SEMA5B: variants seen among roughly 807,000 people sequenced by gnomAD.
SEMA5B encodes semaphorin 5B.
In SEMA5B, 66 loss-of-function variants were observed where a neutral mutation model predicts 135.0. The observed-to-expected ratio is 0.49, with a 90% CI of 0.40 to 0.60. The LOEUF (loss-of-function observed/expected upper bound fraction) is 0.60. SEMA5B is among the 20% of genes least tolerant of loss of function. SEMA5B has a pLI of 0.00. For missense variants in SEMA5B, 1,501 were observed against 1,566.3 expected (o/e 0.96, Z 0.70); for synonymous variants, 690 against 639.5 (o/e 1.08, Z -1.19).
intron 1 of SEMA5B, among the ~76,000 whole-genome samples, chr3:123,012,333 A>C (rs764437444): frequency 6.6e-6 from 1 of 152,078 alleles, no homozygotes; most frequent in African/African-American, 2.4e-5. Flanking sequence ...CTTCTCCCCC[A>C]TGTTCTCCCA....
rs772441089 is a variant in SEMA5B, at chr3:122,912,052, A to G, written c.2914T>C (p.Ser972Pro). The G allele has an allele frequency of 6.2e-7, 1 of 1,612,526 alleles. No individual in the cohort carries two copies. ...QACPEGWSPW[S>P]EWSKCTDDGA... is the part of the protein sequence containing the mutation. The stretch of plus-strand genomic sequence containing the variant: ...TCGTCAGTGCACTTACTCCACTCAG[A>G]CCAGGGCGACCAGCCTTCTGGGGAT... Residue 972 changes from serine to proline, a missense_variant, in exon 20 of 23, where the codon TCT (serine) becomes CCT (proline). Coordinates refer to ENST00000357599, the MANE Select transcript of SEMA5B (RefSeq NM_001031702.4).
rs764391362 is a variant in SEMA5B at position 122,909,937 on chromosome 3, C to T, written c.*206G>A. The T allele has an allele frequency of 3.3e-5, 19 of 577,736 alleles. No homozygotes were observed. The highest frequency in any genetic ancestry group is 4.0e-5 in the Non-Finnish European group (13 of 325,328). The allele number at this position is 577,736 out of a possible 1,614,324, so 35.8% of individuals were successfully genotyped here. On this transcript the variant is annotated 3_prime_UTR_variant, in exon 23 of 23. Transcript: ENST00000357599. ...AGAGACCTGGGCTGAACTGGACCTG[C>T]GGCCATATGTCAGCCTGAAACCAGC...
chr3:122,918,449 C>T (rs1938184383), intron 12 of SEMA5B, among the ~76,000 whole-genome samples: 1 of 152,202 alleles, frequency 6.6e-6, no homozygotes, highest in Non-Finnish European at 1.5e-5. Context: ...CTTCTAAATA[C>T]CCCCCAGGTA....
intron 2 of SEMA5B, among the ~76,000 whole-genome samples, chr3:122,955,447 C>T (rs981518755): frequency 6.6e-6 from 1 of 152,250 alleles, no homozygotes; most frequent in African/African-American, 2.4e-5. Context: ...CTTTTCACAT[C>T]TCAATTATAT....
chr3:122,989,939 T>C (rs1273557576), intron 1 of SEMA5B, among the ~76,000 whole-genome samples: 1 of 152,184 alleles, frequency 6.6e-6, no homozygotes, highest in Non-Finnish European at 1.5e-5. Context: ...TGCTGTGGCT[T>C]GTCTGGGGTG....
intron 1 of SEMA5B, among the ~76,000 whole-genome samples, chr3:123,009,511 ATGTGTGTGTGTGTATGTGTGTC>A (rs1560441096): frequency 6.6e-6 from 1 of 150,856 alleles, no homozygotes; most frequent in African/African-American, 2.5e-5. Context: ...GTTCACATGT[ATGTGTGTGTGTGTATGTGTGTC>A]TGTGTGTGTG....
Position 122,913,839 on chromosome 3 carries a change from C to CAG in SEMA5B, c.2132+18_2132+19insCT. On this transcript the variant is annotated intron_variant, in intron 15 of 22. Coordinates refer to ENST00000357599, the MANE Select transcript of SEMA5B (RefSeq NM_001031702.4). ...GCCCGGTTAGTCTGGGACCTCAGAG[C>CAG]AAGCCTGTTCTCCCTCACCGTTCCT... 6.3e-7 allele frequency: 1 copy of CAG among 1,587,976 alleles called. No homozygotes were observed. The highest frequency in any genetic ancestry group is 1.2e-5 in the South Asian group (1 of 86,550).
At position 122,922,063 on chromosome 3, in the gene SEMA5B, G is replaced by A; in HGVS notation, c.1540C>T (p.Leu514=). The A allele has an allele frequency of 6.7e-7, 1 of 1,495,934 alleles. No homozygotes were observed. The highest frequency in any genetic ancestry group is 8.9e-7 in the Non-Finnish European group (1 of 1,121,958). The allele number at this position is 1,495,934 out of a possible 1,614,324, so 92.7% of individuals were successfully genotyped here. A position where few individuals can be genotyped will look rare whatever the true frequency, so the allele number is the denominator to read the frequency against. The part of the protein sequence containing the change: ...TASRSLHGCY[L]EELHVLPPGR... ...GGGGGCAGCACGTGCAGCTCCTCCA[G>A]GTAGCAGCCGTGGAGGCTGCGGCTC... Residue 514 remains leucine (L), a synonymous_variant, in exon 12 of 23, where the codon CTG becomes TTG. Transcript: ENST00000357599.
intron 1 of SEMA5B, among the ~76,000 whole-genome samples, chr3:122,988,560 G>A (rs1016732413): frequency 1.3e-5 from 2 of 152,232 alleles, no homozygotes; most frequent in African/African-American, 2.4e-5. Flanking sequence ...TTAACACAGA[G>A]TGGACAATTC....
intron 1 of SEMA5B, among the ~76,000 whole-genome samples, chr3:123,003,484 C>A (rs80203220): frequency 2.0e-5 from 3 of 152,068 alleles, no homozygotes; most frequent in Non-Finnish European, 2.9e-5. Flanking sequence ...CTCTGCCAGC[C>A]GCTAAAATTC....
intron 9 of SEMA5B, 145 bp downstream of exon 9, chr3:122,926,247 C>T: frequency 2.6e-6 from 2 of 775,658 alleles, no homozygotes; most frequent in Non-Finnish European, 4.1e-6. Flanking sequence ...GCTTACCGCT[C>T]CAGAAGCAGT....
intron 4 of SEMA5B, among the ~76,000 whole-genome samples, chr3:122,943,009 G>A (rs752117635): frequency 6.6e-6 from 1 of 152,196 alleles, no homozygotes. Flanking sequence ...GAGGTCCTTC[G>A]GGAAAGGTTC....
At chr3:122,911,068 T>A in intron 21 of SEMA5B, 23 bp from the exon 22 acceptor site, 1 of 1,582,652 alleles carries the variant, frequency 6.3e-7, no homozygotes, top group Non-Finnish European at 8.6e-7. Context: ...AGGCAGGTAG[T>A]AAGATGAGGG....
intron 1 of SEMA5B, among the ~76,000 whole-genome samples, chr3:123,014,746 A>G (rs956471151): frequency 6.6e-6 from 1 of 152,246 alleles, no homozygotes; most frequent in Non-Finnish European, 1.5e-5. Context: ...TTTTTTCAAG[A>G]TAAAATAAAT....
At chr3:122,974,698 A>G (rs1941251839) in intron 1 of SEMA5B, among the ~76,000 whole-genome samples, 1 of 152,084 alleles carries the variant, frequency 6.6e-6, no homozygotes, top group Admixed American at 6.5e-5. Context: ...AAGCACAGTG[A>G]GCTCTTTCTG....
chr3:122,951,804 G>T (rs1281867700), intron 2 of SEMA5B, among the ~76,000 whole-genome samples: 2 of 152,166 alleles, frequency 1.3e-5, no homozygotes, highest in African/African-American at 4.8e-5. Context: ...GAGGGCTGGG[G>T]CTCCTTCCTG....
intron 1 of SEMA5B, among the ~76,000 whole-genome samples, chr3:122,997,518 T>TCTCCCA (rs764169923): frequency 2.1e-5 from 3 of 142,884 alleles, no homozygotes; most frequent in South Asian, 2.3e-4. Context: ...CCCAGGCCTC[T>TCTCCCA]CCCCCCCCCG....
At chr3:122,962,379 A>G (rs943310665) in intron 1 of SEMA5B, among the ~76,000 whole-genome samples, 13 of 152,214 alleles carry the variant, frequency 8.5e-5, no homozygotes, top group Non-Finnish European at 5.9e-5. Context: ...CTGGAGGAAC[A>G]TCGGGAAGCC....
intron 1 of SEMA5B, among the ~76,000 whole-genome samples, chr3:123,017,643 C>G (rs1942592601): frequency 6.6e-6 from 1 of 152,234 alleles, no homozygotes; most frequent in Non-Finnish European, 1.5e-5. Flanking sequence ...CGCAGTGGCT[C>G]ACACCTGTAA....
Sources: allele counts gnomAD v4.1 joint callset (sites outside exome capture counted in the v4.1 genomes callset), GRCh38; gene constraint gnomAD v4.1.1; transcripts MANE v1.5; gene names NCBI Gene and HGNC (gene_info 2026-07-23, HGNC 2026-07-21).